The following MCM3AP variants were observed in gnomAD, a reference collection of about 807,000 sequenced individuals.
The protein encoded by MCM3AP is germinal-center associated nuclear protein.
Under a neutral mutation model 184.1 loss-of-function variants are expected in MCM3AP, and 126 were observed. The observed-to-expected ratio is 0.68, with a 90% CI of 0.59 to 0.79. MCM3AP has a LOEUF of 0.79. MCM3AP is among the 30% of genes least tolerant of loss of function. The pLI is 0.00. For synonymous variants in MCM3AP, 1,002 were observed against 979.3 expected (o/e 1.02, Z -0.43); for missense variants, 2,496 against 2,479.2 (o/e 1.01, Z -0.14).
chr21:46,265,254 G>A (rs1442809378), intron 12 of MCM3AP, 67 bp downstream of exon 12: 5 of 1,462,540 alleles, frequency 3.4e-6, no homozygotes, highest in African/African-American at 1.4e-5. Context: ...CTCATGGGGT[G>A]ATGACTAAGG....
intron 17 of MCM3AP, among the ~76,000 whole-genome samples, chr21:46,255,523 C>T (rs912692361): frequency 1.2e-4 from 18 of 152,094 alleles, no homozygotes; most frequent in Admixed American, 1.3e-4. Context: ...ACTGCCATGC[C>T]CTCGGTGCTG....
chr21:46,280,415 G>A (rs2081317139), intron 3 of MCM3AP, 82 bp downstream of exon 3: 2 of 1,057,306 alleles, frequency 1.9e-6, no homozygotes, highest in Non-Finnish European at 2.8e-6. Context: ...AGATCAGACT[G>A]GGCAACATAG....
Position 46,251,613 on chromosome 21 carries a change from A to G in MCM3AP, c.4206T>C (p.Asp1402=), listed in dbSNP as rs1184621516. 6.2e-7 allele frequency: 1 copy of G among 1,610,592 alleles called. No homozygotes were observed. The highest frequency in any genetic ancestry group is 1.7e-5 in the Admixed American group (1 of 60,018). ...DEGSVDDTSS[D]AGGIQTLSLF... ...GCGAAAGCGTCTGAATCCCACCAGCATCGCTGGATGTGTCATCCACTGAGC... is the reference window on the plus strand; with the variant it reads ...GCGAAAGCGTCTGAATCCCACCAGCGTCGCTGGATGTGTCATCCACTGAGC... Residue 1402 remains aspartate (D), a synonymous_variant, in exon 20 of 28, where the codon GAT becomes GAC. Coordinates refer to ENST00000291688, the MANE Select transcript of MCM3AP (RefSeq NM_003906.5).
intron 17 of MCM3AP, 92 bp downstream of exon 17, chr21:46,256,697 T>C: frequency 7.0e-7 from 1 of 1,438,712 alleles, no homozygotes; most frequent in Non-Finnish European, 9.3e-7. Flanking sequence ...TCACCTATCT[T>C]CACCCTCCAA....
intron 6 of MCM3AP, among the ~76,000 whole-genome samples, chr21:46,274,746 G>A (rs1303313306): frequency 1.3e-5 from 2 of 151,828 alleles, no homozygotes; most frequent in Admixed American, 6.6e-5. Flanking sequence ...GACCAGCCTG[G>A]GCAACACGGC....
At chr21:46,279,863 A>C in intron 4 of MCM3AP, 130 bp downstream of exon 4, 14 of 805,912 alleles carry the variant, frequency 1.7e-5, no homozygotes, top group East Asian at 3.1e-5. Context: ...CTCCACCCCC[A>C]ACCATCCCTA....
chr21:46,241,007 T>A lies in MCM3AP; in HGVS notation c.5437A>T (p.Lys1813Ter). 1 of 1,612,196 alleles carries A rather than the reference T, an allele frequency of 6.2e-7. No homozygotes were observed. The highest frequency in any genetic ancestry group is 8.5e-7 in the Non-Finnish European group (1 of 1,178,892). ...LQLREGRLAI[K>*]PFHPSANNFP... ...TTGTTTGCAGAAGGATGAAAAGGCT[T>A]TATTGCCAAACTGTAAGTACATGAT... is the stretch of plus-strand genomic sequence containing the variant. The change falls in exon 26 of 28, where the codon AAG becomes TAG. Residue 1813 changes from lysine to a stop codon, truncating the protein, a stop_gained. Transcript: ENST00000291688. LOFTEE classifies it high-confidence loss of function.
At chr21:46,264,610 G>A (rs2081083985) in intron 12 of MCM3AP, among the ~76,000 whole-genome samples, 1 of 152,150 alleles carries the variant, frequency 6.6e-6, no homozygotes, top group East Asian at 1.9e-4. Flanking sequence ...TCAATATCAA[G>A]GCACCTGTCG....
chr21:46,268,865 G>A (rs1216436386), intron 9 of MCM3AP, among the ~76,000 whole-genome samples: 1 of 152,110 alleles, frequency 6.6e-6, no homozygotes, highest in East Asian at 1.9e-4. Context: ...CCAGCATGGC[G>A]AAATCCCATC....
intron 8 of MCM3AP, among the ~76,000 whole-genome samples, chr21:46,272,354 C>G (rs1480467520): frequency 6.6e-6 from 1 of 152,184 alleles, no homozygotes; most frequent in Non-Finnish European, 1.5e-5. Flanking sequence ...GTCAGATGTG[C>G]TGGTCCCAGG....
At position 46,284,613 on chromosome 21, in the gene MCM3AP, G is replaced by A. The variant is rs1410211833; in HGVS notation, c.674C>T (p.Ala225Val). Residue 225 changes from alanine (A) to valine (V), a missense_variant, in exon 1 of 28, where the codon GCT (alanine) becomes GTT (valine). This residue lies in a region of MCM3AP where 800 missense variants were observed against 717.1 expected (regional missense o/e 1.12). Coordinates refer to ENST00000291688, the MANE Select transcript of MCM3AP (RefSeq NM_003906.5). ...SNNSLSAFTP[A>V]LSNQNVEEEK... ...TTCCTCTACATTTTGGTTTGACAAA[G>A]CAGGGGTAAAGGCAGATAATGAATT... 1 of 1,614,190 alleles carries A rather than the reference G, an allele frequency of 6.2e-7. No homozygotes were observed. The highest frequency in any genetic ancestry group is 1.7e-5 in the Admixed American group (1 of 60,024).
At position 46,265,996 on chromosome 21, in the gene MCM3AP, T is replaced by C. The variant is rs1447592312; in HGVS notation, c.2960A>G (p.Asn987Ser). The C allele has an allele frequency of 1.2e-6, 2 of 1,608,660 alleles. No homozygotes were observed. Among genetic ancestry groups the C allele is most frequent in the Non-Finnish European group, 8.5e-7 (1 of 1,177,130 alleles). ...GGCCAGGCTCTCCCCGATGTACTTG[T>C]TCTGGGAGTTGAAGCTGCACACAGG... ...HTPVCSFNSQ[N>S]KYIGESLAAE... The change falls in exon 11 of 28, where the codon AAC becomes AGC. Residue 987 changes from asparagine to serine, a missense_variant. Physicochemically the swap from Asn to Ser is conservative, Grantham distance 46. This residue lies in a region of MCM3AP where 1,323 missense variants were observed against 1,273.4 expected (regional missense o/e 1.04). Coordinates refer to ENST00000291688, the MANE Select transcript of MCM3AP (RefSeq NM_003906.5).
intron 6 of MCM3AP, 33 bp from the exon 7 acceptor site, chr21:46,273,618 G>A (rs531413589): frequency 3.1e-6 from 5 of 1,590,826 alleles, no homozygotes; most frequent in South Asian, 1.1e-5. Flanking sequence ...GGATGCCCAT[G>A]TGGCATACCT....
intron 26 of MCM3AP, among the ~76,000 whole-genome samples, chr21:46,238,691 G>A (rs1167001925): frequency 1.8e-5 from 1 of 55,092 alleles, no homozygotes; most frequent in Non-Finnish European, 3.7e-5. Context: ...CTGGGCAACA[G>A]AGCGAGACTC....
intron 17 of MCM3AP, chr21:46,256,472 G>C: frequency 2.6e-6 from 1 of 378,316 alleles, no homozygotes; most frequent in East Asian, 4.9e-5. Context: ...AACAAGGATG[G>C]AAGTGGCAGG....
chr21:46,247,719 A>G (rs1469568119), intron 20 of MCM3AP: 3 of 152,208 alleles, frequency 2.0e-5, no homozygotes, highest in East Asian at 3.8e-4. Flanking sequence ...TTAGTGCAAG[A>G]AACAGCCAGG....
intron 9 of MCM3AP, among the ~76,000 whole-genome samples, chr21:46,268,796 C>G (rs1416621516): frequency 6.6e-6 from 1 of 152,188 alleles, no homozygotes; most frequent in African/African-American, 2.4e-5. Context: ...GTAATCCCAG[C>G]ACTTTGGGAG....
In MCM3AP at chr21:46,251,605, C is replaced by G; in HGVS notation, c.4214G>C (p.Gly1405Ala). Residue 1405 changes from glycine to alanine, a missense_variant, in exon 20 of 28, where the codon GGG (glycine) becomes GCG (alanine). Coordinates refer to ENST00000291688, the MANE Select transcript of MCM3AP (RefSeq NM_003906.5). ...GTTGAAAAGCGAAAGCGTCTGAATCCCACCAGCATCGCTGGATGTGTCATC... is the reference window on the plus strand; with the variant it reads ...GTTGAAAAGCGAAAGCGTCTGAATCGCACCAGCATCGCTGGATGTGTCATC... ...SVDDTSSDAG[G>A]IQTLSLFNSL... The G allele has an allele frequency of 6.2e-7, 1 of 1,612,376 alleles. No homozygotes were observed. Among genetic ancestry groups the G allele is most frequent in the Non-Finnish European group, 8.5e-7 (1 of 1,178,490 alleles).
intron 4 of MCM3AP, 124 bp from the exon 5 acceptor site, chr21:46,277,841 C>T (rs2081275734): frequency 1.9e-6 from 1 of 518,518 alleles, no homozygotes; most frequent in African/African-American, 2.0e-5. Flanking sequence ...AAACTACAAG[C>T]ACTGAAATGA....
Sources: gnomAD v4.1 joint callset for allele counts (sites outside exome capture counted in the v4.1 genomes callset) on GRCh38, gnomAD v4.1.1 for gene constraint, gnomAD v4.1.1 regional missense constraint, MANE v1.5 for transcripts, NCBI Gene and HGNC (gene_info 2026-07-23, HGNC 2026-07-21) for gene names.